Variants in MYLK observed in about 807,000 individuals in gnomAD.
MYLK encodes the protein myosin light chain kinase, smooth muscle.
MYLK carries 106 observed loss-of-function variants against 203.4 expected under a neutral mutation model. That is an observed-to-expected ratio of 0.52 (90% CI 0.45 to 0.61). The LOEUF is 0.61. MYLK is among the 20% of genes least tolerant of loss of function. MYLK has a pLI of 0.00. For missense variants in MYLK, 2,072 were observed against 2,442.3 expected, an observed-to-expected ratio of 0.85 and a Z score of 3.20; for synonymous variants, 867 against 959.5, an observed-to-expected ratio of 0.90 and a Z score of 1.78.
intron 24 of MYLK, among the ~76,000 whole-genome samples, chr3:123,655,825 T>A (rs920574975): frequency 5.3e-5 from 8 of 152,206 alleles, no homozygotes. Flanking sequence ...TGGGATTGGA[T>A]GAAATGATGC....
At chr3:123,758,977 A>G (rs1394690228) in intron 4 of MYLK, among the ~76,000 whole-genome samples, 2 of 152,144 alleles carry the variant, frequency 1.3e-5, no homozygotes, top group African/African-American at 4.8e-5. Context: ...GGCATATGCC[A>G]CTATGCCCAG....
In MYLK at chr3:123,708,883, G is replaced by C. The variant is rs761892127; in HGVS notation, c.1955C>G (p.Pro652Arg). 7.4e-6 allele frequency: 12 copies of C among 1,613,964 alleles called. No individual in the cohort carries two copies. The East Asian group carries it at 2.2e-4, about 30-fold the overall frequency. The change falls in exon 15 of 34, where the codon CCT becomes CGT. Residue 652 changes from proline (P) to arginine (R), a missense_variant. Around this residue, in one of 3 missense-constraint regions of MYLK, gnomAD observed 865 missense variants for 1,016.0 expected, o/e 0.85. Transcript: ENST00000360304. ...CCCATTGTGCAGCCAGATGACTTCA[G>C]GGGGTGGATTCCCTGAACCAGGAGG... ...MTVQVSGNPP[P>R]EVIWLHNGNE...
rs560581861 is a variant in MYLK at position 123,774,385 on chromosome 3, G to T, written c.165+19292C>A. On this transcript the variant is annotated intron_variant, in intron 4 of 33. Coordinates refer to ENST00000360304, the MANE Select transcript of MYLK (RefSeq NM_053025.4). ...CCCCTGCTGTACAAGCATGGACGGG[G>T]TTGGGCGTTCATTCTCGGGAAGTAC... 3.3e-5 allele frequency among the ~76,000 whole-genome samples: 5 copies of T among 152,226 alleles called. No individual in the cohort carries two copies. In the South Asian group the frequency reaches 1.0e-3, roughly 32 times the overall value.
Position 123,740,138 on chromosome 3 carries a change from G to C in MYLK, c.374-137C>G, listed in dbSNP as rs930447500. ...GACTGAGCATGGGCTGTGTCACTAT[G>C]GATACTATGGTAGGTGTTTACATAC... On this transcript the variant is annotated intron_variant, in intron 5 of 33. Transcript: ENST00000360304. The C allele has an allele frequency of 7.3e-6, 6 of 817,312 alleles. No homozygotes were observed. The African/African-American group carries it at 1.0e-4, about 14-fold the overall frequency. The allele number at this position is 817,312 out of a possible 1,614,324, so 50.6% of individuals were successfully genotyped here.
At chr3:123,855,049 G>T (rs1164779778) in intron 2 of MYLK, among the ~76,000 whole-genome samples, 1 of 152,114 alleles carries the variant, frequency 6.6e-6, no homozygotes, top group East Asian at 1.9e-4. Flanking sequence ...AGCAGTTTCT[G>T]CAGTTTCACT....
At chr3:123,774,140 C>T (rs2063979393) in intron 4 of MYLK, among the ~76,000 whole-genome samples, 4 of 152,198 alleles carry the variant, frequency 2.6e-5, no homozygotes, top group Admixed American at 2.6e-4. Flanking sequence ...AGGTTGCTGG[C>T]AGACCTCTGG....
intron 9 of MYLK, 83 bp from the exon 10 acceptor site, chr3:123,734,305 C>T: frequency 7.5e-7 from 1 of 1,329,354 alleles, no homozygotes; most frequent in South Asian, 1.6e-5. Context: ...AAATATTACT[C>T]ATCACAAGCA....
intron 5 of MYLK, among the ~76,000 whole-genome samples, chr3:123,744,728 T>C (rs752284347): frequency 6.6e-6 from 1 of 152,088 alleles, no homozygotes; most frequent in Admixed American, 6.5e-5. Flanking sequence ...AGAGAAGACA[T>C]GTGCTAGGAT....
intron 3 of MYLK, among the ~76,000 whole-genome samples, chr3:123,827,147 AATC>A (rs1423688436): frequency 6.6e-6 from 1 of 152,264 alleles, no homozygotes; most frequent in Non-Finnish European, 1.5e-5. Context: ...AATCTGATGA[AATC>A]AGGAAAATAA....
At chr3:123,837,346 A>G (rs1047728376) in intron 2 of MYLK, among the ~76,000 whole-genome samples, 17 of 152,048 alleles carry the variant, frequency 1.1e-4, no homozygotes, top group Non-Finnish European at 5.9e-5. Flanking sequence ...CATTTCCTTC[A>G]GAATTATTTT....
chr3:123,821,854 G>A (rs985157892), intron 3 of MYLK, among the ~76,000 whole-genome samples: 1 of 152,168 alleles, frequency 6.6e-6, no homozygotes, highest in African/African-American at 2.4e-5. Context: ...CCTGTAGGGG[G>A]TTGCTGTGGT....
At chr3:123,763,405 A>T (rs1351097347) in intron 4 of MYLK, among the ~76,000 whole-genome samples, 1 of 152,180 alleles carries the variant, frequency 6.6e-6, no homozygotes, top group East Asian at 1.9e-4. Context: ...GAAATTTCTC[A>T]TTCTATGCCA....
intron 23 of MYLK, among the ~76,000 whole-genome samples, chr3:123,658,048 C>G (rs748879615): frequency 6.6e-6 from 1 of 152,248 alleles, no homozygotes; most frequent in East Asian, 1.9e-4. Context: ...TGAATAACAA[C>G]AGCACTTGTA....
At chr3:123,852,638 C>T (rs1001565502) in intron 2 of MYLK, among the ~76,000 whole-genome samples, 7 of 151,904 alleles carry the variant, frequency 4.6e-5, no homozygotes, top group Middle Eastern at 3.4e-3. Flanking sequence ...TTATTAGTCT[C>T]GCTAGCGGTC....
chr3:123,657,367 G>A lies in MYLK; in HGVS notation c.4047C>T (p.Thr1349=). 1.2e-6 allele frequency: 2 copies of A among 1,614,096 alleles called. No homozygotes were observed. Among genetic ancestry groups the A allele is most frequent in the Non-Finnish European group, 1.7e-6 (2 of 1,180,036 alleles). Residue 1349 remains threonine (T), a synonymous_variant, in exon 24 of 34, where the codon ACC becomes ACT. Coordinates refer to ENST00000360304, the MANE Select transcript of MYLK (RefSeq NM_053025.4). Reference sequence around the variant, plus strand: ...CATATGAGGAGCCATACCAGGACAGGGTCAGTGAGGAGCTCCGAATGTCAG... The same window carrying A: ...CATATGAGGAGCCATACCAGGACAGAGTCAGTGAGGAGCTCCGAATGTCAG... The part of the protein sequence containing the change: ...CASDIRSSSL[T]LSWYGSSYDG...
At chr3:123,782,620 T>C (rs1372327790) in intron 4 of MYLK, among the ~76,000 whole-genome samples, 1 of 119,936 alleles carries the variant, frequency 8.3e-6, no homozygotes, top group Non-Finnish European at 1.9e-5. Flanking sequence ...CCTACACCAC[T>C]TTGAGTATAC....
chr3:123,707,060 G>T lies in MYLK; in HGVS notation c.2390+694C>A, dbSNP rs1369522524. ...AAAGACACTGCAAGCTCTGACCTGG[G>T]CTCCCTCTTCGATCACTAGCTCTGG... On this transcript the variant is annotated intron_variant, in intron 16 of 33. Coordinates refer to ENST00000360304, the MANE Select transcript of MYLK (RefSeq NM_053025.4). 3.3e-5 allele frequency among the ~76,000 whole-genome samples: 5 copies of T among 152,176 alleles called. No individual in the cohort carries two copies. The East Asian group carries it at 9.6e-4, about 29-fold the overall frequency.
intron 11 of MYLK, among the ~76,000 whole-genome samples, chr3:123,729,522 T>C (rs1019402168): frequency 6.6e-6 from 1 of 152,200 alleles, no homozygotes; most frequent in East Asian, 1.9e-4. Context: ...GAAGGAGATA[T>C]ACAAATGTCC....
chr3:123,671,479 G>A (rs921046443), intron 20 of MYLK, among the ~76,000 whole-genome samples: 3 of 152,138 alleles, frequency 2.0e-5, no homozygotes, highest in Non-Finnish European at 2.9e-5. Flanking sequence ...GAGGAGTGTC[G>A]CCACAAGCAA....
Sources: gnomAD v4.1 joint callset for allele counts (sites outside exome capture counted in the v4.1 genomes callset) on GRCh38, gnomAD v4.1.1 for gene constraint, gnomAD v4.1.1 regional missense constraint, MANE v1.5 for transcripts, NCBI Gene and HGNC (gene_info 2026-07-23, HGNC 2026-07-21) for gene names.